The following HECTD4 variants were observed in gnomAD, a reference collection of about 807,000 sequenced individuals.
HECTD4 encodes probable E3 ubiquitin-protein ligase HECTD4.
A neutral mutation model predicts 471.5 loss-of-function variants in HECTD4; 114 were observed. The observed-to-expected ratio is 0.24, with a 90% CI of 0.21 to 0.28. HECTD4 has a LOEUF of 0.28. HECTD4 is among the 10% of genes least tolerant of loss of function. HECTD4 has a pLI of 1.00. For synonymous variants in HECTD4, 2,012 were observed against 2,256.0 expected, an observed-to-expected ratio of 0.89 and a Z score of 3.07; for missense variants, 3,866 against 5,651.5, an observed-to-expected ratio of 0.68 and a Z score of 10.13.
At chr12:112,264,832 T>C (rs974395744) in intron 16 of HECTD4, among the ~76,000 whole-genome samples, 3 of 152,194 alleles carry the variant, frequency 2.0e-5, no homozygotes, top group African/African-American at 7.2e-5. Flanking sequence ...TGGCGCGATC[T>C]CAGCTCACTG....
At position 112,258,611 on chromosome 12, in the gene HECTD4, C is replaced by T; in HGVS notation, c.3028-15G>A. 6.3e-7 allele frequency: 1 copy of T among 1,584,796 alleles called. No individual in the cohort carries two copies. Among genetic ancestry groups the T allele is most frequent in the Non-Finnish European group, 8.6e-7 (1 of 1,168,276 alleles). On this transcript the variant is annotated splice_polypyrimidine_tract_variant and intron_variant, in intron 19 of 75. Coordinates refer to ENST00000682272, the MANE Select transcript of HECTD4 (RefSeq NM_001388303.1). ...AGCAACGCCGTCTGAAACACAAAACCATCATTATGTCTTCCAGGGCTACTG... is the reference window on the plus strand; with the variant it reads ...AGCAACGCCGTCTGAAACACAAAACTATCATTATGTCTTCCAGGGCTACTG...
chr12:112,210,436 G>A (rs1318562541), intron 49 of HECTD4, among the ~76,000 whole-genome samples, 184 bp from the exon 50 acceptor site: 1 of 152,170 alleles, frequency 6.6e-6, no homozygotes, highest in Non-Finnish European at 1.5e-5. Context: ...TGTACAGCCA[G>A]CCCTGCCTCC....
rs369714808 is a variant in HECTD4 at position 112,308,870 on chromosome 12, G to A, written c.1047C>T (p.Asn349=). 5.4e-5 allele frequency: 83 copies of A among 1,535,964 alleles called. 2 individuals are homozygous for A. Among genetic ancestry groups the A allele is most frequent in the African/African-American group, 2.2e-4 (16 of 73,134 alleles). The change falls in exon 6 of 76, where the codon AAC becomes AAT. Residue 349 remains asparagine (N), a synonymous_variant. Coordinates refer to ENST00000682272, the MANE Select transcript of HECTD4 (RefSeq NM_001388303.1). The part of the protein sequence containing the change: ...GTLRGFVYCR[N]EELEPGWVAF... ...CCACCCATCCTGGTTCCAACTCCTC[G>A]TTCCGGCAGTACACAAAACCTCTGT... is the stretch of plus-strand genomic sequence containing the variant.
chr12:112,334,982 A>G (rs1427096484), intron 1 of HECTD4, among the ~76,000 whole-genome samples: 1 of 152,198 alleles, frequency 6.6e-6, no homozygotes, highest in African/African-American at 2.4e-5. Flanking sequence ...TTACCATTTG[A>G]TCCACCAATC....
chr12:112,193,794 T>C lies in HECTD4; in HGVS notation c.8750-120A>G. 2 of 828,732 alleles carry C rather than the reference T, an allele frequency of 2.4e-6. No individual in the cohort carries two copies. The highest frequency in any genetic ancestry group is 3.9e-6 in the Non-Finnish European group (2 of 511,944). The allele number at this position is 828,732 out of a possible 1,614,324, so 51.3% of individuals were successfully genotyped here. A position where few individuals can be genotyped will look rare whatever the true frequency, so the allele number is the denominator to read the frequency against. The stretch of plus-strand genomic sequence containing the variant: ...CCCCAGATGGGAGGGTTATCCTGGA[T>C]ATGATGTCCTGGATAACAGATGCCG... On this transcript the variant is annotated intron_variant, in intron 56 of 75. Coordinates refer to ENST00000682272, the MANE Select transcript of HECTD4 (RefSeq NM_001388303.1). The surrounding 1 kb of genome is among the most constrained non-coding windows in gnomAD (Gnocchi z 5.2).
chr12:112,217,035 T>C lies in HECTD4; in HGVS notation c.7235A>G (p.Gln2412Arg). Residue 2412 changes from glutamine (Q) to arginine (R), a missense_variant and splice_region_variant, in exon 46 of 76, where the codon CAG (glutamine) becomes CGG (arginine). Gln to Arg is a conservative substitution (Grantham distance 43, BLOSUM62 1). Around this residue, in one of 16 missense-constraint regions of HECTD4, gnomAD observed 617 missense variants for 915.1 expected, o/e 0.67. Coordinates refer to ENST00000682272, the MANE Select transcript of HECTD4 (RefSeq NM_001388303.1). ...FIYATSPLPVQAPSFYWEIEI... is the reference protein window; with the variant it reads ...FIYATSPLPVRAPSFYWEIEI... ...ACAGTGTGTCATGTGATGTCTCACCTGAACTGGCAGTGGTGAAGTGGCATA... is the reference window on the plus strand; with the variant it reads ...ACAGTGTGTCATGTGATGTCTCACCCGAACTGGCAGTGGTGAAGTGGCATA... 1 of 1,584,004 alleles carries C rather than the reference T, an allele frequency of 6.3e-7. No individual in the cohort carries two copies.
At chr12:112,351,272 A>G (rs1270157658) in intron 1 of HECTD4, among the ~76,000 whole-genome samples, 2 of 152,232 alleles carry the variant, frequency 1.3e-5, no homozygotes, top group African/African-American at 4.8e-5. Context: ...GTCCCTGTGC[A>G]CAAAGGAGAC....
rs142710931 is a variant in HECTD4, at chr12:112,200,588, C to T, written c.8567+50G>A. 1.1e-4 allele frequency: 175 copies of T among 1,571,788 alleles called. No homozygotes were observed. The African/African-American group carries it at 1.8e-3, about 17-fold the overall frequency. On this transcript the variant is annotated intron_variant, in intron 55 of 75. Coordinates refer to ENST00000682272, the MANE Select transcript of HECTD4 (RefSeq NM_001388303.1). Reference sequence around the variant, plus strand: ...ATGGTACATGGTACATGTGGTAGAGCGAAGTTGGTGGATTTCTGTGACCCA... The same window carrying T: ...ATGGTACATGGTACATGTGGTAGAGTGAAGTTGGTGGATTTCTGTGACCCA...
In HECTD4 at chr12:112,247,114, A is replaced by G. The variant is rs778043716; in HGVS notation, c.4338-38T>C. The G allele has an allele frequency of 6.1e-6, 9 of 1,483,150 alleles. No homozygotes were observed. The South Asian group carries it at 1.1e-4, about 19-fold the overall frequency. The allele number at this position is 1,483,150 out of a possible 1,614,324, so 91.9% of individuals were successfully genotyped here. ...ACTGATGTGCATTGAGTTGTTCTCT[A>G]GCTTATCAAAAACAACTATTAAAAA... is the stretch of plus-strand genomic sequence containing the variant. On this transcript the variant is annotated intron_variant, in intron 28 of 75. Coordinates refer to ENST00000682272, the MANE Select transcript of HECTD4 (RefSeq NM_001388303.1).
chr12:112,335,559 G>A (rs541079334), intron 1 of HECTD4, among the ~76,000 whole-genome samples: 6 of 152,148 alleles, frequency 3.9e-5, no homozygotes, highest in Non-Finnish European at 5.9e-5. Context: ...ACAGTGGTGC[G>A]CGCCTGTAGT....
chr12:112,209,327 GTT>G (rs34447938), intron 50 of HECTD4, among the ~76,000 whole-genome samples: 6 of 140,120 alleles, frequency 4.3e-5, no homozygotes, highest in Non-Finnish European at 4.7e-5. Context: ...AATCATAAAA[GTT>G]TTTTTTTTTT....
intron 8 of HECTD4, among the ~76,000 whole-genome samples, chr12:112,280,572 C>CT (rs578027350): frequency 6.4e-4 from 90 of 140,988 alleles, no homozygotes; most frequent in Admixed American, 1.8e-3. Context: ...TTCTAAAAAG[C>CT]TTTTTTTTTT....
chr12:112,188,475 T>C lies in HECTD4; in HGVS notation c.9472+2311A>G, dbSNP rs1165285519. On this transcript the variant is annotated intron_variant, in intron 60 of 75. Transcript: ENST00000682272. The surrounding 1 kb of genome is among the most constrained non-coding windows in gnomAD (Gnocchi z 4.2). Reference sequence around the variant, plus strand: ...GGCATATCTTACATTCACATAGTCATGTACCCTGGATCTGAGTGGAAAGAG... The same window carrying C: ...GGCATATCTTACATTCACATAGTCACGTACCCTGGATCTGAGTGGAAAGAG... 1.3e-5 allele frequency among the ~76,000 whole-genome samples: 2 copies of C among 152,174 alleles called. No individual in the cohort carries two copies. The highest frequency in any genetic ancestry group is 4.8e-5 in the African/African-American group (2 of 41,432).
At chr12:112,317,327 T>TA (rs1263982273) in intron 2 of HECTD4, among the ~76,000 whole-genome samples, 13 of 152,218 alleles carry the variant, frequency 8.5e-5, no homozygotes, top group African/African-American at 2.9e-4. Context: ...CAAAGAAACT[T>TA]ACAATAAACA....
Position 112,216,792 on chromosome 12 carries a change from C to T in HECTD4, c.7366G>A (p.Gly2456Ser). Residue 2456 changes from glycine to serine, a missense_variant, in exon 47 of 76, where the codon GGC (glycine) becomes AGC (serine). By Grantham distance (56) the Gly-to-Ser change is moderately conservative. Transcript: ENST00000682272. ...ACTTACTTATGGAAAAGACAAGTGC[C>T]CACTGGATTAGTCCAAGCCCCATCT... ...KRDGAWTNPV[G>S]TCLFHNNGRA... The T allele has an allele frequency of 1.2e-6, 2 of 1,613,890 alleles. No individual in the cohort carries two copies. Among genetic ancestry groups the T allele is most frequent in the Non-Finnish European group, 1.7e-6 (2 of 1,179,816 alleles).
chr12:112,184,463 G>A lies in HECTD4; in HGVS notation c.10503C>T (p.Ser3501=), dbSNP rs2031786835. 1 of 1,606,518 alleles carries A rather than the reference G, an allele frequency of 6.2e-7. No homozygotes were observed. ...QASICSSQGI[S]QTVSDLSVDP... ...CCACAGAGAGGTCGCTGACGGTTTG[G>A]GAGATGCCCTGCGAGCTGCAGATGG... Residue 3501 remains serine (S), a synonymous_variant, in exon 61 of 76, where the codon TCC becomes TCT. Transcript: ENST00000682272. This position sits in a 1 kb window ranked among gnomAD's most constrained non-coding sequence, Gnocchi z 9.1.
rs1283230663 is a variant in HECTD4, at chr12:112,192,620, G to A, written c.9232C>T (p.Pro3078Ser). 6.8e-6 allele frequency: 11 copies of A among 1,609,894 alleles called. No homozygotes were observed. The highest frequency in any genetic ancestry group is 9.3e-6 in the Non-Finnish European group (11 of 1,178,506). ...SPANTGLAPP[P>S]TADQYPSVVL... ...ACAGAGGGGTACTGGTCAGCGGTGG[G>A]GGGAGGTGCAAGCCCAGTGTTGGCT... Residue 3078 changes from proline to serine, a missense_variant, in exon 59 of 76, where the codon CCC becomes TCC. Around this residue, in one of 16 missense-constraint regions of HECTD4, gnomAD observed 364 missense variants for 413.2 expected, o/e 0.88. Transcript: ENST00000682272.
Position 112,231,720 on chromosome 12 carries a change from G to A in HECTD4, c.5998-5C>T, listed in dbSNP as rs1317539728. 58 of 1,608,494 alleles carry A rather than the reference G, an allele frequency of 3.6e-5. No homozygotes were observed. The highest frequency in any genetic ancestry group is 4.9e-5 in the Non-Finnish European group (58 of 1,178,530). On this transcript the variant is annotated splice_region_variant and splice_polypyrimidine_tract_variant and intron_variant, in intron 38 of 75. Transcript: ENST00000682272. ...AATCACTTCGCAACAGCCACCCTGG[G>A]GTGAGGTTGAAGACGCTGAGAAGAT...
intron 44 of HECTD4, 44 bp from the exon 45 acceptor site, chr12:112,219,533 C>T: frequency 7.2e-7 from 1 of 1,381,656 alleles, no homozygotes; most frequent in South Asian, 1.2e-5. Context: ...ACTCCCGCAA[C>T]TCCCAAGTGG....
Sources: gnomAD v4.1 joint callset for allele counts (sites outside exome capture counted in the v4.1 genomes callset) on GRCh38, gnomAD v4.1.1 for gene constraint, gnomAD v4.1.1 regional missense constraint, Gnocchi (gnomAD v3.1) non-coding constraint, MANE v1.5 for transcripts, NCBI Gene and HGNC (gene_info 2026-07-23, HGNC 2026-07-21) for gene names.